Variants in SPAG17 observed in about 807,000 individuals in gnomAD.
SPAG17 encodes sperm associated antigen 17, also known as sperm-associated antigen 17.
SPAG17 carries 169 observed loss-of-function variants against 273.6 expected under a neutral mutation model. That is an observed-to-expected ratio of 0.62 (90% CI 0.55 to 0.70). The LOEUF is 0.70. SPAG17 is among the 30% of genes least tolerant of loss of function. SPAG17 has a pLI of 0.00. For missense variants in SPAG17, 2,557 were observed against 2,627.8 expected (o/e 0.97, Z 0.59); for synonymous variants, 825 against 873.2 (o/e 0.94, Z 0.97).
chr1:118,174,972 T>C (rs943442256), intron 1 of SPAG17, among the ~76,000 whole-genome samples: 7 of 152,106 alleles, frequency 4.6e-5, no homozygotes, highest in African/African-American at 1.7e-4. Context: ...ATATAGCCAC[T>C]TGGCAGCAGA....
intron 34 of SPAG17, among the ~76,000 whole-genome samples, chr1:117,994,783 A>C (rs1657477291): frequency 6.6e-6 from 1 of 152,040 alleles, no homozygotes; most frequent in South Asian, 2.1e-4. Context: ...CTCACCAACC[A>C]CATACAAGTT....
At position 118,081,227 on chromosome 1, in the gene SPAG17, T is replaced by A. The variant is rs763954066; in HGVS notation, c.2083A>T (p.Ser695Cys). 6.2e-7 allele frequency: 1 copy of A among 1,613,982 alleles called. No homozygotes were observed. Among genetic ancestry groups the A allele is most frequent in the African/African-American group, 1.3e-5 (1 of 74,920 alleles). The change falls in exon 15 of 49, where the codon AGT (serine) becomes TGT (cysteine). Residue 695 changes from serine to cysteine, a missense_variant. Physicochemically the swap from Ser to Cys is moderately radical, Grantham distance 112. Coordinates refer to ENST00000336338, the MANE Select transcript of SPAG17 (RefSeq NM_206996.4). ...TTCATATTGTTAGCATCACACTGAC[T>A]AGGATCTGAAGGTTCTCGGTTGCTT... is the stretch of plus-strand genomic sequence containing the variant. Reference protein sequence around the residue: ...NESNREPSDPSQCDANNMKHS... With the variant: ...NESNREPSDPCQCDANNMKHS...
intron 43 of SPAG17, among the ~76,000 whole-genome samples, chr1:117,979,602 C>T (rs1161244294): frequency 6.6e-6 from 1 of 152,140 alleles, no homozygotes. Context: ...AAAAATTAGC[C>T]ATGTAACTAC....
intron 45 of SPAG17, among the ~76,000 whole-genome samples, chr1:117,970,888 C>T (rs1654474695): frequency 6.6e-6 from 1 of 152,122 alleles, no homozygotes; most frequent in African/African-American, 2.4e-5. Flanking sequence ...TTCTTCCCAC[C>T]CACTTTGTTG....
chr1:118,101,148 C>A (rs1656039128), intron 5 of SPAG17, among the ~76,000 whole-genome samples: 1 of 152,082 alleles, frequency 6.6e-6, no homozygotes, highest in South Asian at 2.1e-4. Flanking sequence ...GGTGTAGTGG[C>A]TCATGCCTGT....
chr1:118,040,938 T>C, intron 21 of SPAG17, 97 bp from the exon 22 acceptor site: 1 of 768,572 alleles, frequency 1.3e-6, no homozygotes. Context: ...AAGCTTAATT[T>C]CTGCTAAGTG....
At chr1:118,179,918 C>CT (rs1660864338) in intron 1 of SPAG17, among the ~76,000 whole-genome samples, 1 of 151,878 alleles carries the variant, frequency 6.6e-6, no homozygotes, top group Non-Finnish European at 1.5e-5. Context: ...GTTAAAATGG[C>CT]TTTTATCAAA....
At chr1:118,096,177 AG>A (rs1300501205) in intron 7 of SPAG17, among the ~76,000 whole-genome samples, 2 of 152,134 alleles carry the variant, frequency 1.3e-5, no homozygotes, top group Non-Finnish European at 2.9e-5. Flanking sequence ...TCCATCCTTC[AG>A]GGTTCAAGTC....
intron 18 of SPAG17, among the ~76,000 whole-genome samples, chr1:118,064,173 T>G (rs1465963358): frequency 2.0e-5 from 3 of 152,142 alleles, no homozygotes; most frequent in Non-Finnish European, 4.4e-5. Context: ...TGGAAGTCAG[T>G]GTGGCGATTC....
chr1:118,068,240 C>T (rs1653184612), intron 17 of SPAG17, among the ~76,000 whole-genome samples: 1 of 151,828 alleles, frequency 6.6e-6, no homozygotes, highest in Non-Finnish European at 1.5e-5. Flanking sequence ...CAAAACAATA[C>T]ATTTGCTTCC....
intron 3 of SPAG17, among the ~76,000 whole-genome samples, chr1:118,121,380 G>A (rs1373307166): frequency 2.6e-5 from 4 of 152,158 alleles, no homozygotes; most frequent in Non-Finnish European, 5.9e-5. Context: ...ATATATATCA[G>A]GGGGTCCCAT....
intron 3 of SPAG17, among the ~76,000 whole-genome samples, chr1:118,149,585 G>A (rs371113462): frequency 1.3e-5 from 2 of 152,136 alleles, no homozygotes; most frequent in East Asian, 1.9e-4. Flanking sequence ...GGTGAGCGCC[G>A]CGTAGCAAGA....
intron 25 of SPAG17, among the ~76,000 whole-genome samples, chr1:118,029,633 T>C (rs1325225497): frequency 6.6e-6 from 1 of 152,232 alleles, no homozygotes; most frequent in African/African-American, 2.4e-5. Flanking sequence ...ATTAATTTTA[T>C]GTCAGCTATG....
chr1:118,179,995 G>C (rs999467435), intron 1 of SPAG17, among the ~76,000 whole-genome samples: 2 of 151,982 alleles, frequency 1.3e-5, no homozygotes, highest in African/African-American at 4.8e-5. Context: ...CTGCTGATGA[G>C]AATGTAAATT....
chr1:118,064,914 G>A (rs962812530), intron 18 of SPAG17, among the ~76,000 whole-genome samples: 2 of 151,920 alleles, frequency 1.3e-5, no homozygotes, highest in Admixed American at 1.3e-4. Flanking sequence ...TCACAAGATA[G>A]GATTTTAATT....
At chr1:118,005,855 T>G (rs1265572038) in intron 31 of SPAG17, among the ~76,000 whole-genome samples, 1 of 152,218 alleles carries the variant, frequency 6.6e-6, no homozygotes, top group Non-Finnish European at 1.5e-5. Context: ...CTCTTCTAAC[T>G]AATTGTCTTA....
chr1:118,151,117 C>A, intron 2 of SPAG17, 112 bp downstream of exon 2: 2 of 862,334 alleles, frequency 2.3e-6, no homozygotes, highest in Admixed American at 4.0e-5. Flanking sequence ...TAAAATAATC[C>A]ATCAAAATTT....
At chr1:118,183,406 G>C (rs964737417) in intron 1 of SPAG17, among the ~76,000 whole-genome samples, 1 of 152,116 alleles carries the variant, frequency 6.6e-6, no homozygotes, top group Admixed American at 6.5e-5. Flanking sequence ...TATTCTTTTA[G>C]ATCAGACATG....
chr1:117,997,361 T>C (rs1177238666), intron 32 of SPAG17, among the ~76,000 whole-genome samples: 2 of 152,046 alleles, frequency 1.3e-5, no homozygotes, highest in Non-Finnish European at 2.9e-5. Flanking sequence ...TTTAAGTTTC[T>C]ACTTCAATTT....
Sources: gnomAD v4.1 joint callset for allele counts (sites outside exome capture counted in the v4.1 genomes callset) on GRCh38, gnomAD v4.1.1 for gene constraint, MANE v1.5 for transcripts, NCBI Gene and HGNC (gene_info 2026-07-23, HGNC 2026-07-21) for gene names.